Variants in GOLGA4 observed in about 807,000 individuals in gnomAD.
GOLGA4 encodes golgin A4, also known as golgin subfamily A member 4.
Under a neutral mutation model 265.9 loss-of-function variants are expected in GOLGA4, and 169 were observed. The ratio of observed to expected loss-of-function variants is 0.64; its 90% CI spans 0.56 to 0.72. The LOEUF (loss-of-function observed/expected upper bound fraction) is 0.72. Ranked by LOEUF, GOLGA4 falls within the 30% of genes least tolerant of loss-of-function variation. GOLGA4 has a pLI of 0.00. For missense variants in GOLGA4, 2,482 were observed against 2,483.4 expected (o/e 1.00, Z 0.01); for synonymous variants, 923 against 855.8 (o/e 1.08, Z -1.37).
At chr3:37,276,143 G>T in intron 2 of GOLGA4, 1 of 1,606,668 alleles carries the variant, frequency 6.2e-7, no homozygotes, top group Non-Finnish European at 8.5e-7. Context: ...GCTTGCTGCA[G>T]CTCTTCGAAC....
rs1290180663 is a variant in GOLGA4 at position 37,328,408 on chromosome 3, T to C, written c.5940-8T>C. 11 of 1,607,636 alleles carry C rather than the reference T, an allele frequency of 6.8e-6. No individual in the cohort carries two copies. Among genetic ancestry groups the C allele is most frequent in the Non-Finnish European group, 9.3e-6 (11 of 1,177,896 alleles). On this transcript the variant is annotated splice_region_variant and splice_polypyrimidine_tract_variant and intron_variant, in intron 14 of 23. Coordinates refer to ENST00000361924, the MANE Select transcript of GOLGA4 (RefSeq NM_002078.5). Reference sequence around the variant, plus strand: ...GGCAGCAGTTAACGGTACATTTTTATTACTCAGACAGGAGCAGGAAGATCT... The same window carrying C: ...GGCAGCAGTTAACGGTACATTTTTACTACTCAGACAGGAGCAGGAAGATCT...
At chr3:37,307,854 A>T (rs528089382) in intron 10 of GOLGA4, among the ~76,000 whole-genome samples, 213 of 152,376 alleles carry the variant, frequency 1.4e-3, no homozygotes, top group Non-Finnish European at 2.4e-3. Flanking sequence ...AATTTAATCA[A>T]TGTACTTAGC....
At position 37,326,600 on chromosome 3, in the gene GOLGA4, T is replaced by G. The variant is rs777753297; in HGVS notation, c.4714T>G (p.Leu1572Val). 6.2e-7 allele frequency: 1 copy of G among 1,612,990 alleles called. No individual in the cohort carries two copies. Among genetic ancestry groups the G allele is most frequent in the Non-Finnish European group, 8.5e-7 (1 of 1,179,496 alleles). The part of the protein sequence containing the change: ...LVQKLQHFQE[L>V]GEEKDNRVKE... The stretch of plus-strand genomic sequence containing the variant: ...TCAGAAACTTCAACATTTTCAAGAG[T>G]TAGGAGAAGAAAAGGACAACAGGGT... Residue 1572 changes from leucine (L) to valine (V), a missense_variant, in exon 14 of 24, where the codon TTA (leucine) becomes GTA (valine). Around this residue, in one of 3 missense-constraint regions of GOLGA4, gnomAD observed 942 missense variants for 983.1 expected, o/e 0.96. Transcript: ENST00000361924.
At chr3:37,318,708 G>C (rs1394523949) in intron 11 of GOLGA4, among the ~76,000 whole-genome samples, 2 of 152,096 alleles carry the variant, frequency 1.3e-5, no homozygotes, top group Non-Finnish European at 2.9e-5. Context: ...AATTTGATTG[G>C]TGCAGCGAGG....
At chr3:37,304,050 T>TATAG (rs2096899963) in intron 10 of GOLGA4, among the ~76,000 whole-genome samples, 1 of 152,060 alleles carries the variant, frequency 6.6e-6, no homozygotes, top group African/African-American at 2.4e-5. Context: ...CTCTTAACCA[T>TATAG]ATAGAGGTCT....
chr3:37,283,717 A>G (rs1430724496), intron 3 of GOLGA4, among the ~76,000 whole-genome samples: 2 of 151,834 alleles, frequency 1.3e-5, no homozygotes, highest in Non-Finnish European at 2.9e-5. Flanking sequence ...CGTAGAGTTG[A>G]GGTTTTGCTA....
intron 22 of GOLGA4, among the ~76,000 whole-genome samples, chr3:37,358,831 T>C (rs908243183): frequency 6.6e-6 from 1 of 152,036 alleles, no homozygotes; most frequent in Non-Finnish European, 1.5e-5. Flanking sequence ...TTCGGTACCT[T>C]AGAGTGCCAG....
At chr3:37,339,726 T>C (rs1342170224) in intron 19 of GOLGA4, among the ~76,000 whole-genome samples, 3 of 152,264 alleles carry the variant, frequency 2.0e-5, no homozygotes, top group African/African-American at 7.2e-5. Flanking sequence ...CATTTTTTAG[T>C]TGGATTGTCT....
chr3:37,243,656 G>C, intron 1 of GOLGA4, 34 bp downstream of exon 1: 1 of 1,577,258 alleles, frequency 6.3e-7, no homozygotes. Flanking sequence ...CCCTGGTTCC[G>C]AATACCTCTT....
At chr3:37,288,546 G>A (rs1163482717) in intron 4 of GOLGA4, among the ~76,000 whole-genome samples, 7 of 150,280 alleles carry the variant, frequency 4.7e-5, no homozygotes, top group Admixed American at 4.0e-4. Flanking sequence ...GTGCGATCTC[G>A]GCTCACTGCA....
chr3:37,275,987 A>G, intron 2 of GOLGA4: 1 of 1,613,522 alleles, frequency 6.2e-7, no homozygotes, highest in Non-Finnish European at 8.5e-7. Context: ...TACATCGCAG[A>G]ACAGCCCTGA....
chr3:37,326,484 A>G lies in GOLGA4; in HGVS notation c.4598A>G (p.His1533Arg), dbSNP rs2096971151. 1 of 1,608,564 alleles carries G rather than the reference A, an allele frequency of 6.2e-7. No homozygotes were observed. Among genetic ancestry groups the G allele is most frequent in the African/African-American group, 1.3e-5 (1 of 74,634 alleles). ...GCAAGAATTATGGAATTAGAGGACC[A>G]TATTACCCAGAAAACTATTGAAATA... ...QTARIMELED[H>R]ITQKTIEIES... The change falls in exon 14 of 24, where the codon CAT (histidine) becomes CGT (arginine). Residue 1533 changes from histidine (H) to arginine (R), a missense_variant. Around this residue, in one of 3 missense-constraint regions of GOLGA4, gnomAD observed 942 missense variants for 983.1 expected, o/e 0.96. Transcript: ENST00000361924.
intron 2 of GOLGA4, among the ~76,000 whole-genome samples, chr3:37,262,629 C>T (rs1033783383): frequency 3.3e-5 from 5 of 151,660 alleles, no homozygotes; most frequent in African/African-American, 1.2e-4. Flanking sequence ...GTGGCTAGGC[C>T]TGATGGCTCA....
intron 10 of GOLGA4, among the ~76,000 whole-genome samples, chr3:37,310,735 G>T (rs9850386): frequency 0.071 from 10,403 of 146,030 alleles, 555 homozygotes; most frequent in African/African-American, 0.15. Flanking sequence ...GTGTGTGTGT[G>T]TTTTTTTTTT....
At chr3:37,308,062 A>G (rs1271628028) in intron 10 of GOLGA4, among the ~76,000 whole-genome samples, 10 of 152,018 alleles carry the variant, frequency 6.6e-5, no homozygotes, top group Non-Finnish European at 8.8e-5. Context: ...GGTAAACCCC[A>G]TCTCTACTAA....
At chr3:37,329,168 CT>C (rs1265507140) in intron 16 of GOLGA4, 75 bp downstream of exon 16, 1 of 1,250,810 alleles carries the variant, frequency 8.0e-7, no homozygotes, top group East Asian at 2.5e-5. Context: ...CAAAGATTTC[CT>C]TTTCAAATGT....
At chr3:37,323,116 C>CT (rs567838649) in intron 13 of GOLGA4, among the ~76,000 whole-genome samples, 3,384 of 113,954 alleles carry the variant, frequency 0.03, 120 homozygotes, top group African/African-American at 0.084. Flanking sequence ...TTCCTTTTGT[C>CT]TTTTTTTTTT....
chr3:37,345,462 G>A (rs930645489), intron 20 of GOLGA4, among the ~76,000 whole-genome samples: 1 of 152,184 alleles, frequency 6.6e-6, no homozygotes. Flanking sequence ...TAAAGTGTGG[G>A]TTTTAAAATG....
rs1212896889 is a variant in GOLGA4 at position 37,326,241 on chromosome 3, G to C, written c.4355G>C (p.Arg1452Thr). The stretch of plus-strand genomic sequence containing the variant: ...GAATGGAAGAAGAAAGCACAGTCAA[G>C]ATTTACACAGCATCAAAACACTGTT... ...FSEWKKKAQS[R>T]FTQHQNTVKE... Residue 1452 changes from arginine to threonine, a missense_variant, in exon 14 of 24, where the codon AGA becomes ACA. Arg to Thr is a moderately conservative substitution (Grantham distance 71). Coordinates refer to ENST00000361924, the MANE Select transcript of GOLGA4 (RefSeq NM_002078.5). The C allele has an allele frequency of 6.2e-7, 1 of 1,613,588 alleles. No individual in the cohort carries two copies.
Sources: gnomAD v4.1 joint callset for allele counts (sites outside exome capture counted in the v4.1 genomes callset) on GRCh38, gnomAD v4.1.1 for gene constraint, gnomAD v4.1.1 regional missense constraint, MANE v1.5 for transcripts, NCBI Gene and HGNC (gene_info 2026-07-23, HGNC 2026-07-21) for gene names.